AXDND1: variants seen among roughly 807,000 people sequenced by gnomAD.
AXDND1 encodes the protein axonemal dynein light chain domain-containing protein 1.
In AXDND1, 110 loss-of-function variants were observed where a neutral mutation model predicts 137.5. That is an observed-to-expected ratio of 0.80 (90% CI 0.69 to 0.94). The LOEUF (loss-of-function observed/expected upper bound fraction) is 0.94. AXDND1 is among the 40% of genes least tolerant of loss of function. AXDND1 has a pLI of 0.00. For synonymous variants in AXDND1, 414 were observed against 399.7 expected (o/e 1.04, Z -0.43); for missense variants, 1,191 against 1,169.8 (o/e 1.02, Z -0.26).
chr1:179,471,185 T>A lies in AXDND1; in HGVS notation c.1997+2544T>A, dbSNP rs1305089570. ...GTATTCATAAGAGACATTGGTCTATTTTATTTTCCTGTGATGTCTTCGCCT... is the reference window on the plus strand; with the variant it reads ...GTATTCATAAGAGACATTGGTCTATATTATTTTCCTGTGATGTCTTCGCCT... On this transcript the variant is annotated intron_variant, in intron 17 of 25. Coordinates refer to ENST00000367618, the MANE Select transcript of AXDND1 (RefSeq NM_144696.6). 2.6e-5 allele frequency among the ~76,000 whole-genome samples: 4 copies of A among 152,192 alleles called. No individual in the cohort carries two copies. In the East Asian group the frequency reaches 7.7e-4, roughly 29 times the overall value.
At chr1:179,437,461 A>G (rs1410734618) in intron 15 of AXDND1, among the ~76,000 whole-genome samples, 1 of 152,182 alleles carries the variant, frequency 6.6e-6, no homozygotes, top group Admixed American at 6.5e-5. Context: ...TGGCAGGCGC[A>G]GTGTGAGTTT....
At position 179,385,284 on chromosome 1, in the gene AXDND1, A is replaced by G; in HGVS notation, c.788A>G (p.Asn263Ser). The G allele has an allele frequency of 1.2e-6, 2 of 1,612,448 alleles. No homozygotes were observed. The highest frequency in any genetic ancestry group is 1.7e-6 in the Non-Finnish European group (2 of 1,178,484). Residue 263 changes from asparagine to serine, a missense_variant, in exon 9 of 26, where the codon AAC (asparagine) becomes AGC (serine). By Grantham distance (46) the Asn-to-Ser change is conservative (BLOSUM62 1). Transcript: ENST00000367618. ...TTGAAGAAGGAACAGACCATTTACA[A>G]CATGATATTTCATGAACTTATTCGA... Reference protein sequence around the residue: ...HILKKEQTIYNMIFHELIRQV... With the variant: ...HILKKEQTIYSMIFHELIRQV...
At chr1:179,423,912 A>G (rs1246143509) in intron 12 of AXDND1, among the ~76,000 whole-genome samples, 1 of 152,030 alleles carries the variant, frequency 6.6e-6, no homozygotes, top group East Asian at 1.9e-4. Context: ...CATATTCTAT[A>G]TTTGTCTGTG....
At chr1:179,509,993 C>T (rs144941895) in intron 21 of AXDND1, among the ~76,000 whole-genome samples, 135 of 152,210 alleles carry the variant, frequency 8.9e-4, no homozygotes, top group African/African-American at 2.9e-3. Context: ...TCCTTATTGC[C>T]AAATCCAAGT....
At chr1:179,503,095 A>AC (rs1491131235) in intron 20 of AXDND1, among the ~76,000 whole-genome samples, 10 of 15,656 alleles carry the variant, frequency 6.4e-4, no homozygotes, top group Non-Finnish European at 2.6e-3. Flanking sequence ...AACTCCGTGT[A>AC]AAAAAAAAAA....
intron 21 of AXDND1, among the ~76,000 whole-genome samples, chr1:179,520,490 C>T (rs1200526038): frequency 1.3e-5 from 2 of 151,970 alleles, no homozygotes; most frequent in Non-Finnish European, 2.9e-5. Flanking sequence ...GTTGCCTCGG[C>T]TGGTCTCAAA....
At chr1:179,486,434 A>G (rs1221947573) in intron 18 of AXDND1, among the ~76,000 whole-genome samples, 3 of 152,212 alleles carry the variant, frequency 2.0e-5, no homozygotes, top group African/African-American at 7.2e-5. Context: ...AAATTTTCAC[A>G]ACCTCACTAA....
At chr1:179,450,278 T>A (rs1252343176) in intron 16 of AXDND1, 1 of 152,234 alleles carries the variant, frequency 6.6e-6, no homozygotes, top group Non-Finnish European at 1.5e-5. Context: ...CCTCCCAAAG[T>A]GCTGGGATTA....
intron 12 of AXDND1, among the ~76,000 whole-genome samples, chr1:179,424,398 A>G (rs1415180327): frequency 1.4e-5 from 2 of 146,242 alleles, no homozygotes; most frequent in African/African-American, 5.0e-5. Context: ...GGACATTCAT[A>G]TCTAAGTTTT....
chr1:179,386,833 G>A (rs1033314741), intron 9 of AXDND1, among the ~76,000 whole-genome samples: 1 of 151,838 alleles, frequency 6.6e-6, no homozygotes, highest in Non-Finnish European at 1.5e-5. Context: ...CAAGTGATCC[G>A]CCTACCTCAG....
Position 179,374,823 on chromosome 1 carries a change from C to T in AXDND1, c.375-3814C>T, listed in dbSNP as rs191540245. Reference sequence around the variant, plus strand: ...GGGAACATCACACACCGGGGCCTGTCGTGGGATGGGGGGAGGGGGGAGGGA... The same window carrying T: ...GGGAACATCACACACCGGGGCCTGTTGTGGGATGGGGGGAGGGGGGAGGGA... On this transcript the variant is annotated intron_variant, in intron 4 of 25. Coordinates refer to ENST00000367618, the MANE Select transcript of AXDND1 (RefSeq NM_144696.6). 5.3e-3 allele frequency among the ~76,000 whole-genome samples: 163 copies of T among 30,922 alleles called. No individual in the cohort carries two copies. The Middle Eastern group carries it at 0.071, about 14-fold the overall frequency. 20.3% of individuals were successfully genotyped at this position (30,922 alleles called of 152,430 possible). A position where few individuals can be genotyped will look rare whatever the true frequency, so the allele number is the denominator to read the frequency against.
At chr1:179,433,899 CG>C (rs1456772268) in intron 15 of AXDND1, among the ~76,000 whole-genome samples, 4 of 152,102 alleles carry the variant, frequency 2.6e-5, no homozygotes, top group African/African-American at 9.7e-5. Context: ...AGTTCAAGTC[CG>C]AAATATCCTT....
At chr1:179,451,357 A>G (rs1016551662) in intron 16 of AXDND1, 2 of 150,658 alleles carry the variant, frequency 1.3e-5, no homozygotes, top group African/African-American at 4.9e-5. Context: ...AAAATCGTCC[A>G]CTTTATAATC....
intron 2 of AXDND1, among the ~76,000 whole-genome samples, 197 bp from the exon 3 acceptor site, chr1:179,368,603 G>A (rs1667707351): frequency 6.6e-6 from 1 of 152,144 alleles, no homozygotes; most frequent in South Asian, 2.1e-4. Context: ...AATGTGAGTA[G>A]GGTAGGCAAG....
At chr1:179,520,353 C>T (rs1831180) in intron 21 of AXDND1, among the ~76,000 whole-genome samples, 133,666 of 152,236 alleles carry the variant, frequency 0.88, 58,859 homozygotes, top group East Asian at 0.96. Context: ...GACTTTCTTA[C>T]GATACATTTT....
chr1:179,432,418 C>A, intron 15 of AXDND1, 76 bp downstream of exon 15: 1 of 1,402,082 alleles, frequency 7.1e-7, no homozygotes, highest in Non-Finnish European at 9.3e-7. Flanking sequence ...ACAACTGAGG[C>A]ACATCCCATC....
chr1:179,511,426 A>G (rs146381924), intron 21 of AXDND1, among the ~76,000 whole-genome samples: 11 of 116,670 alleles, frequency 9.4e-5, no homozygotes, highest in East Asian at 3.0e-4. Context: ...GTGTGTGTAT[A>G]TGTATATACA....
chr1:179,551,612 G>A (rs1423960167), intron 25 of AXDND1: 6 of 759,124 alleles, frequency 7.9e-6, no homozygotes, highest in Non-Finnish European at 4.3e-6. Flanking sequence ...GTCTTGAGCT[G>A]GGGAGACAGA....
chr1:179,466,728 A>T (rs1000191951), intron 16 of AXDND1, among the ~76,000 whole-genome samples: 6 of 151,956 alleles, frequency 3.9e-5, no homozygotes, highest in Non-Finnish European at 8.8e-5. Flanking sequence ...CATTCTTTTC[A>T]TATTTCTGTT....
Sources: gnomAD v4.1 joint callset for allele counts (sites outside exome capture counted in the v4.1 genomes callset) on GRCh38, gnomAD v4.1.1 for gene constraint, MANE v1.5 for transcripts, NCBI Gene and HGNC (gene_info 2026-07-23, HGNC 2026-07-21) for gene names.